Variants in PARD3B observed in about 807,000 individuals in gnomAD.
PARD3B encodes the protein par-3 family cell polarity regulator beta.
PARD3B carries 103 observed loss-of-function variants against 130.2 expected under a neutral mutation model. The observed-to-expected ratio is 0.79, with a 90% CI of 0.67 to 0.93. The LOEUF (loss-of-function observed/expected upper bound fraction) is 0.93. PARD3B is among the 40% of genes least tolerant of loss of function. PARD3B has a pLI of 0.00. For missense variants in PARD3B, 1,609 were observed against 1,499.2 expected (o/e 1.07, Z -1.21); for synonymous variants, 583 against 553.2 (o/e 1.05, Z -0.76).
intron 2 of PARD3B, among the ~76,000 whole-genome samples, chr2:204,693,701 T>C (rs1251525904): frequency 6.6e-6 from 1 of 152,022 alleles, no homozygotes; most frequent in Admixed American, 6.6e-5. Flanking sequence ...CCTCCAAACT[T>C]TCTCTAAACC....
intron 1 of PARD3B, among the ~76,000 whole-genome samples, chr2:204,554,944 G>T (rs1342457345): frequency 6.6e-6 from 1 of 152,178 alleles, no homozygotes; most frequent in Admixed American, 6.5e-5. Flanking sequence ...ATGGCTCACT[G>T]TGCAAAACTG....
At chr2:205,509,820 C>T (rs1437649547) in intron 21 of PARD3B, among the ~76,000 whole-genome samples, 7 of 152,192 alleles carry the variant, frequency 4.6e-5, no homozygotes, top group African/African-American at 1.7e-4. Flanking sequence ...AGAGTGGATC[C>T]GATTTCTCCA....
intron 2 of PARD3B, among the ~76,000 whole-genome samples, chr2:204,838,486 A>G (rs950579209): frequency 1.3e-5 from 2 of 151,954 alleles, no homozygotes; most frequent in African/African-American, 4.8e-5. Context: ...AACTGTTGGG[A>G]TTACAGACAT....
At chr2:204,919,082 A>G (rs1179808510) in intron 2 of PARD3B, among the ~76,000 whole-genome samples, 1 of 152,208 alleles carries the variant, frequency 6.6e-6, no homozygotes, top group African/African-American at 2.4e-5. Flanking sequence ...GGCAAATAAC[A>G]TTGAACTTTA....
At chr2:205,486,853 C>T (rs1243444872) in intron 20 of PARD3B, among the ~76,000 whole-genome samples, 1 of 151,986 alleles carries the variant, frequency 6.6e-6, no homozygotes, top group African/African-American at 2.4e-5. Context: ...CAAACCGTAC[C>T]ACGAGTTGAG....
At chr2:205,438,852 A>G (rs1364597708) in intron 19 of PARD3B, among the ~76,000 whole-genome samples, 5 of 152,156 alleles carry the variant, frequency 3.3e-5, no homozygotes, top group South Asian at 2.1e-4. Context: ...GAGATATGCA[A>G]TAATATATCC....
chr2:204,998,416 GTATA>G lies in PARD3B; in HGVS notation c.394+33097_394+33100del, dbSNP rs1476799132. On this transcript the variant is annotated intron_variant, in intron 3 of 22. Coordinates refer to ENST00000406610, the MANE Select transcript of PARD3B (RefSeq NM_001302769.2). ...TATATGTATATATGTGTATATATAT[GTATA>G]TATGTGTATATATATGTGTGTGTAT... Among the ~76,000 whole-genome samples, 105 of 25,270 alleles carry G rather than the reference GTATA, an allele frequency of 4.2e-3. 4 individuals are homozygous for G. The highest frequency in any genetic ancestry group is 6.7e-3 in the Admixed American group (10 of 1,502). 16.6% of individuals were successfully genotyped at this position (25,270 alleles called of 152,430 possible). A position where few individuals can be genotyped will look rare whatever the true frequency, so the allele number is the denominator to read the frequency against.
Position 205,287,498 on chromosome 2 carries a change from T to C in PARD3B, c.2186-13032T>C, listed in dbSNP as rs562413034. Among the ~76,000 whole-genome samples, 1 of 152,228 alleles carries C rather than the reference T, an allele frequency of 6.6e-6. No homozygotes were observed. The highest frequency in any genetic ancestry group is 6.5e-5 in the Admixed American group (1 of 15,278). Reference sequence around the variant, plus strand: ...CAGTAACCCCAGTAACAAAGACTGCTCACTCTACCAGGCTTAGTTCTAGTT... The same window carrying C: ...CAGTAACCCCAGTAACAAAGACTGCCCACTCTACCAGGCTTAGTTCTAGTT... On this transcript the variant is annotated intron_variant, in intron 16 of 22. Coordinates refer to ENST00000406610, the MANE Select transcript of PARD3B (RefSeq NM_001302769.2). This position sits in a 1 kb window ranked among gnomAD's most constrained non-coding sequence, Gnocchi z 4.8.
rs1374341293 is a variant in PARD3B at position 205,584,676 on chromosome 2, T to C, written c.3261-30780T>C. ...CTGGGCAACAGAGCAAAACTCCATC[T>C]CAAAAATAAATAAATAAAAATAAAT... On this transcript the variant is annotated intron_variant, in intron 22 of 22. Coordinates refer to ENST00000406610, the MANE Select transcript of PARD3B (RefSeq NM_001302769.2). The surrounding 1 kb of genome is among the most constrained non-coding windows in gnomAD (Gnocchi z 5.5). 6.6e-6 allele frequency among the ~76,000 whole-genome samples: 1 copy of C among 151,926 alleles called. No individual in the cohort carries two copies. Among genetic ancestry groups the C allele is most frequent in the East Asian group, 1.9e-4 (1 of 5,174 alleles).
At chr2:204,994,363 G>T (rs532977633) in intron 3 of PARD3B, among the ~76,000 whole-genome samples, 31 of 100,650 alleles carry the variant, frequency 3.1e-4, no homozygotes, top group African/African-American at 1.1e-3. Flanking sequence ...GGAGCAGGTT[G>T]TTCAGTTTCC....
At chr2:205,100,827 G>T (rs1372596162) in intron 4 of PARD3B, among the ~76,000 whole-genome samples, 2 of 152,048 alleles carry the variant, frequency 1.3e-5, no homozygotes, top group Non-Finnish European at 2.9e-5. Context: ...CACACAGTGT[G>T]CAGGAATGAA....
rs898024024 is a variant in PARD3B at position 205,287,435 on chromosome 2, G to T, written c.2186-13095G>T. 6.6e-6 allele frequency among the ~76,000 whole-genome samples: 1 copy of T among 152,120 alleles called. No homozygotes were observed. Among genetic ancestry groups the T allele is most frequent in the African/African-American group, 2.4e-5 (1 of 41,424 alleles). On this transcript the variant is annotated intron_variant, in intron 16 of 22. Transcript: ENST00000406610. This position sits in a 1 kb window ranked among gnomAD's most constrained non-coding sequence, Gnocchi z 4.8. ...CTTCAGACTTGATTCTTACAGAAAAGCAAGATGGCTGCCAGAAGCTCCAGG... is the reference window on the plus strand; with the variant it reads ...CTTCAGACTTGATTCTTACAGAAAATCAAGATGGCTGCCAGAAGCTCCAGG...
At chr2:204,932,771 A>T (rs1332515760) in intron 2 of PARD3B, among the ~76,000 whole-genome samples, 1 of 152,164 alleles carries the variant, frequency 6.6e-6, no homozygotes, top group Non-Finnish European at 1.5e-5. Flanking sequence ...AGACAAAACC[A>T]TCAGTCTTGA....
chr2:205,199,688 A>G (rs2036885234), intron 15 of PARD3B, among the ~76,000 whole-genome samples: 1 of 152,134 alleles, frequency 6.6e-6, no homozygotes, highest in Non-Finnish European at 1.5e-5. Context: ...TGGAAAGCAA[A>G]GCCACTCAGT....
intron 3 of PARD3B, among the ~76,000 whole-genome samples, chr2:205,010,588 G>T (rs138703723): frequency 6.6e-6 from 1 of 152,192 alleles, no homozygotes; most frequent in Non-Finnish European, 1.5e-5. Context: ...CATCACACTT[G>T]ATTTATAGTT....
intron 22 of PARD3B, among the ~76,000 whole-genome samples, chr2:205,606,740 C>A (rs62171588): frequency 6.6e-6 from 1 of 152,214 alleles, no homozygotes; most frequent in Admixed American, 6.5e-5. Flanking sequence ...AGGCTGTTAG[C>A]TCTGTATCTT....
intron 2 of PARD3B, among the ~76,000 whole-genome samples, chr2:204,948,555 A>G (rs952715659): frequency 4.6e-5 from 7 of 152,134 alleles, no homozygotes; most frequent in African/African-American, 1.4e-4. Flanking sequence ...CATTTAAAAC[A>G]TTTTTCCCCA....
At chr2:205,014,826 AG>A (rs1370685937) in intron 3 of PARD3B, among the ~76,000 whole-genome samples, 1 of 152,222 alleles carries the variant, frequency 6.6e-6, no homozygotes, top group Admixed American at 6.5e-5. Flanking sequence ...GAGTCAGAGA[AG>A]GTTTCTGTAA....
chr2:204,803,900 A>G (rs2042666614), intron 2 of PARD3B, among the ~76,000 whole-genome samples: 1 of 152,160 alleles, frequency 6.6e-6, no homozygotes, highest in Admixed American at 6.6e-5. Flanking sequence ...TCTGCAATCA[A>G]AAGACAGATT....
Sources: gnomAD v4.1 joint callset for allele counts (sites outside exome capture counted in the v4.1 genomes callset) on GRCh38, gnomAD v4.1.1 for gene constraint, Gnocchi (gnomAD v3.1) non-coding constraint, MANE v1.5 for transcripts, NCBI Gene and HGNC (gene_info 2026-07-23, HGNC 2026-07-21) for gene names.